DUXA: variants seen among roughly 807,000 people sequenced by gnomAD.
DUXA encodes the protein double homeobox A.
A neutral mutation model predicts 27.5 loss-of-function variants in DUXA; 25 were observed. That is an observed-to-expected ratio of 0.91 (90% confidence interval 0.66 to 1.27). The LOEUF (loss-of-function observed/expected upper bound fraction) is 1.27. DUXA is among the 50% of genes most tolerant of loss of function. The pLI, the probability that DUXA is intolerant of heterozygous loss-of-function variation, is 0.00. For synonymous variants in DUXA, 90 were observed against 80.5 expected (o/e 1.12, Z -0.63); for missense variants, 247 against 242.9 (o/e 1.02, Z -0.11).
chr19:57,163,815 A>G (rs972622726), intron 1 of DUXA, among the ~76,000 whole-genome samples: 13 of 152,240 alleles, frequency 8.5e-5, no homozygotes, highest in African/African-American at 1.7e-4. Flanking sequence ...ATATTAAAAT[A>G]CATTTTTGTC....
intron 1 of DUXA, among the ~76,000 whole-genome samples, chr19:57,161,439 T>A (rs201896990): frequency 1.2e-4 from 18 of 144,298 alleles, no homozygotes; most frequent in African/African-American, 3.0e-4. Flanking sequence ...CTGGCTAACA[T>A]GATGAAACCC....
chr19:57,159,863 G>T (rs2087011474), intron 2 of DUXA, among the ~76,000 whole-genome samples: 2 of 151,816 alleles, frequency 1.3e-5, no homozygotes, highest in Admixed American at 1.3e-4. Context: ...AGCACTTTGG[G>T]AAGCCGAAGC....
In DUXA at chr19:57,160,946, AC is replaced by A. The variant is rs1326138243; in HGVS notation, c.26-150del. 8 of 863,558 alleles carry A rather than the reference AC, an allele frequency of 9.3e-6. No individual in the cohort carries two copies. In the African/African-American group the frequency reaches 1.4e-4, roughly 15 times the overall value. The allele number at this position is 863,558 out of a possible 1,614,324, so 53.5% of individuals were successfully genotyped here. ...CCTCATACAAGTATGGAGCTCTTGA[AC>A]ACACAATGGCGATTTTTCAACTTCT... On this transcript the variant is annotated intron_variant, in intron 1 of 5. Coordinates refer to ENST00000554048, the MANE Select transcript of DUXA (RefSeq NM_001012729.2).
Position 57,154,330 on chromosome 19 carries a change from CAGA to C in DUXA, c.*79_*81del. The C allele has an allele frequency of 7.5e-7, 1 of 1,335,322 alleles. No individual in the cohort carries two copies. The highest frequency in any genetic ancestry group is 1.1e-6 in the Non-Finnish European group (1 of 937,606). 82.7% of individuals were successfully genotyped at this position (1,335,322 alleles called of 1,614,324 possible). A position where few individuals can be genotyped will look rare whatever the true frequency, so the allele number is the denominator to read the frequency against. On this transcript the variant is annotated 3_prime_UTR_variant, in exon 6 of 6. Coordinates refer to ENST00000554048, the MANE Select transcript of DUXA (RefSeq NM_001012729.2). ...CAGAAGGCTTAGCTTGCAGTTTCAG[CAGA>C]AGGATAGACTCCCAGGAAGACCGTG...
chr19:57,159,116 C>G (rs866943237), intron 3 of DUXA, 51 bp downstream of exon 3: 2 of 1,521,336 alleles, frequency 1.3e-6, no homozygotes, highest in Middle Eastern at 4.0e-4. Context: ...TCGCAGTTGG[C>G]TCCGCCGTAG....
intron 1 of DUXA, among the ~76,000 whole-genome samples, chr19:57,162,878 G>A (rs2087031650): frequency 6.6e-6 from 1 of 151,764 alleles, no homozygotes; most frequent in Admixed American, 6.6e-5. Context: ...CTGGCCCCTG[G>A]TCCACTGTAT....
intron 1 of DUXA, among the ~76,000 whole-genome samples, chr19:57,162,553 C>T (rs1336049679): frequency 6.6e-6 from 1 of 151,822 alleles, no homozygotes; most frequent in East Asian, 1.9e-4. Context: ...CAGTTTCACA[C>T]ACCTGGTCCA....
At chr19:57,164,570 C>A (rs935653825) in intron 1 of DUXA, among the ~76,000 whole-genome samples, 1 of 151,572 alleles carries the variant, frequency 6.6e-6, no homozygotes, top group African/African-American at 2.4e-5. Flanking sequence ...AGTGAAACTC[C>A]GTCTCAAAAA....
chr19:57,161,370 T>C (rs1247169789), intron 1 of DUXA, among the ~76,000 whole-genome samples: 1 of 129,636 alleles, frequency 7.7e-6, no homozygotes, highest in Non-Finnish European at 1.6e-5. Flanking sequence ...ACACCTGTAA[T>C]CCCAGCACTT....
intron 1 of DUXA, among the ~76,000 whole-genome samples, chr19:57,164,093 G>A (rs1237603920): frequency 6.6e-6 from 1 of 152,010 alleles, no homozygotes; most frequent in Non-Finnish European, 1.5e-5. Context: ...TCAAAAGCAG[G>A]CAAATAGACA....
At chr19:57,156,569 CTT>C (rs1420822450) in intron 4 of DUXA, among the ~76,000 whole-genome samples, 1 of 151,884 alleles carries the variant, frequency 6.6e-6, no homozygotes, top group Non-Finnish European at 1.5e-5. Flanking sequence ...ACCCAGCTAA[CTT>C]TTAATTTTTT....
At chr19:57,157,284 C>A (rs571779840) in intron 4 of DUXA, among the ~76,000 whole-genome samples, 2 of 152,274 alleles carry the variant, frequency 1.3e-5, no homozygotes, top group Admixed American at 6.5e-5. Flanking sequence ...AATCCTCGGA[C>A]AGACTGGTAC....
At chr19:57,164,992 A>G (rs35643757) in intron 1 of DUXA, among the ~76,000 whole-genome samples, 43,245 of 151,900 alleles carry the variant, frequency 0.28, 6,994 homozygotes, top group South Asian at 0.38. Flanking sequence ...AGATTTACCC[A>G]TCATTGTTTT....
rs760524965 is a variant in DUXA, at chr19:57,167,466, T to G, written c.-23A>C. ...CATGCTGGAAGAGAGTCCTGAAGGC[T>G]GAGCCACTGTCTGGGAGACAAGTCA... On this transcript the variant is annotated 5_prime_UTR_variant, in exon 1 of 6. Transcript: ENST00000554048. 5 of 1,612,336 alleles carry G rather than the reference T, an allele frequency of 3.1e-6. No individual in the cohort carries two copies. The highest frequency in any genetic ancestry group is 4.2e-6 in the Non-Finnish European group (5 of 1,179,562).
chr19:57,161,434 T>G (rs187244500), intron 1 of DUXA, among the ~76,000 whole-genome samples: 2 of 147,866 alleles, frequency 1.4e-5, no homozygotes, highest in East Asian at 2.0e-4. Context: ...CCATCCTGGC[T>G]AACATGATGA....
intron 3 of DUXA, 47 bp downstream of exon 3, chr19:57,159,120 G>A (rs746136170): frequency 4.8e-5 from 74 of 1,539,488 alleles, no homozygotes; most frequent in Middle Eastern, 3.8e-4. Flanking sequence ...AGTTGGCTCC[G>A]CCGTAGAGAA....
intron 4 of DUXA, among the ~76,000 whole-genome samples, chr19:57,158,007 AG>A (rs2087000858): frequency 6.9e-6 from 1 of 145,058 alleles, no homozygotes; most frequent in Non-Finnish European, 1.5e-5. Flanking sequence ...AAAAAAAAAA[AG>A]GCTTTAGCCA....
intron 4 of DUXA, among the ~76,000 whole-genome samples, chr19:57,155,724 A>G (rs1490464986): frequency 6.7e-6 from 1 of 148,802 alleles, no homozygotes; most frequent in Non-Finnish European, 1.5e-5. Flanking sequence ...GCTGGAGTGC[A>G]GTGGCACAAT....
rs777852345 is a variant in DUXA, at chr19:57,158,423, T to G, written c.343A>C (p.Thr115Pro). The change falls in exon 4 of 6, where the codon ACT (threonine) becomes CCT (proline). Residue 115 changes from threonine (T) to proline (P), a missense_variant. Thr to Pro is a conservative substitution (Grantham distance 38). Transcript: ENST00000554048. ...TTTTTCATAAATGCCTTGATGAGAG[T>G]GTGTAACTGAGAGGCGCTGTAGGTG... ...RTTYSASQLH[T>P]LIKAFMKNPY... 51 of 1,613,680 alleles carry G rather than the reference T, an allele frequency of 3.2e-5. No individual in the cohort carries two copies. Among genetic ancestry groups the G allele is most frequent in the Admixed American group, 1.5e-4 (9 of 59,972 alleles).
Sources: gnomAD v4.1 joint callset for allele counts (sites outside exome capture counted in the v4.1 genomes callset) on GRCh38, gnomAD v4.1.1 for gene constraint, MANE v1.5 for transcripts, NCBI Gene and HGNC (gene_info 2026-07-23, HGNC 2026-07-21) for gene names.